ADAM12: variants seen among roughly 807,000 people sequenced by gnomAD.
The protein encoded by ADAM12 is ADAM metallopeptidase domain 12.
ADAM12 carries 70 observed loss-of-function variants against 106.4 expected under a neutral mutation model. The observed-to-expected ratio is 0.66, with a 90% confidence interval of 0.54 to 0.80. The LOEUF (loss-of-function observed/expected upper bound fraction) is 0.80. Among genes scored for constraint, ADAM12 ranks in the 30% least tolerant of loss-of-function variants. The pLI is 0.00. For synonymous variants in ADAM12, 420 were observed against 433.5 expected, an observed-to-expected ratio of 0.97 and a Z score of 0.39; for missense variants, 1,010 against 1,171.9, an observed-to-expected ratio of 0.86 and a Z score of 2.02.
chr10:126,177,072 T>C (rs1344573686), intron 3 of ADAM12, among the ~76,000 whole-genome samples: 3 of 150,852 alleles, frequency 2.0e-5, no homozygotes, highest in Non-Finnish European at 2.9e-5. Flanking sequence ...ACACACACGG[T>C]TTCCTGGTCA....
At chr10:126,090,636 C>A (rs1287651555) in intron 11 of ADAM12, 1 of 152,226 alleles carries the variant, frequency 6.6e-6, no homozygotes, top group Non-Finnish European at 1.5e-5. Flanking sequence ...CTTACACACA[C>A]TTAAAGCCTT....
At chr10:126,198,920 C>T (rs1168265894) in intron 3 of ADAM12, among the ~76,000 whole-genome samples, 2 of 152,080 alleles carry the variant, frequency 1.3e-5, no homozygotes, top group Non-Finnish European at 2.9e-5. Context: ...ATGACTTTTC[C>T]CAGTATATCA....
chr10:126,166,040 A>G lies in ADAM12; in HGVS notation c.261-10735T>C, dbSNP rs551815466. 4.2e-4 allele frequency among the ~76,000 whole-genome samples: 64 copies of G among 152,374 alleles called. 1 individual carries two copies. Among genetic ancestry groups the G allele is most frequent in the Middle Eastern group, 3.4e-3 (1 of 294 alleles). On this transcript the variant is annotated intron_variant, in intron 3 of 22. Transcript: ENST00000448723. ...CCAGCTCTTTCTCATTTAGTTTCAC[A>G]AACTATATTAAATAAAACTGCTGAT...
intron 3 of ADAM12, among the ~76,000 whole-genome samples, chr10:126,198,545 G>A (rs929700817): frequency 4.6e-5 from 7 of 152,174 alleles, no homozygotes; most frequent in Admixed American, 1.3e-4. Flanking sequence ...CCTTTAGCTC[G>A]TGTGAATCCT....
chr10:126,092,827 GA>G (rs779514441), intron 11 of ADAM12, among the ~76,000 whole-genome samples: 3 of 152,234 alleles, frequency 2.0e-5, no homozygotes, highest in Non-Finnish European at 4.4e-5. Flanking sequence ...ACAATCCCCT[GA>G]TGAGCTGTGT....
intron 3 of ADAM12, among the ~76,000 whole-genome samples, chr10:126,199,572 TG>T (rs1207391023): frequency 6.6e-6 from 1 of 152,216 alleles, no homozygotes; most frequent in Non-Finnish European, 1.5e-5. Context: ...TGACCCTGTC[TG>T]TGGGAAGCTG....
chr10:126,072,051 G>C (rs1955006365), intron 11 of ADAM12, among the ~76,000 whole-genome samples: 1 of 152,176 alleles, frequency 6.6e-6, no homozygotes, highest in African/African-American at 2.4e-5. Context: ...TTATTGGAAA[G>C]TGCAAAGAAG....
chr10:126,333,451 T>C (rs1854590963), intron 1 of ADAM12, among the ~76,000 whole-genome samples: 1 of 152,156 alleles, frequency 6.6e-6, no homozygotes, highest in Non-Finnish European at 1.5e-5. Context: ...AGACTTCCCT[T>C]GAGAAGCTGT....
intron 3 of ADAM12, among the ~76,000 whole-genome samples, chr10:126,207,438 T>C (rs1590620853): frequency 6.6e-6 from 1 of 151,842 alleles, no homozygotes; most frequent in African/African-American, 2.4e-5. Context: ...TCTGATATTT[T>C]ATGTGAAAGC....
intron 6 of ADAM12, among the ~76,000 whole-genome samples, chr10:126,113,938 G>A (rs1006540312): frequency 6.6e-6 from 1 of 151,602 alleles, no homozygotes; most frequent in Non-Finnish European, 1.5e-5. Context: ...CACAGCCAAA[G>A]TGTCCATCGC....
intron 3 of ADAM12, among the ~76,000 whole-genome samples, chr10:126,260,561 A>C (rs1035263671): frequency 1.7e-5 from 1 of 59,360 alleles, no homozygotes; most frequent in African/African-American, 4.0e-5. Context: ...CAGGTCCCTC[A>C]TTCTGAACAT....
intron 1 of ADAM12, among the ~76,000 whole-genome samples, chr10:126,339,422 C>A (rs1361115766): frequency 6.6e-6 from 1 of 152,212 alleles, no homozygotes; most frequent in African/African-American, 2.4e-5. Flanking sequence ...AGCCACGTGT[C>A]TGGATGACTG....
At chr10:126,140,898 G>C (rs1226360101) in intron 4 of ADAM12, among the ~76,000 whole-genome samples, 1 of 152,164 alleles carries the variant, frequency 6.6e-6, no homozygotes, top group East Asian at 1.9e-4. Flanking sequence ...GGGGTGGGGG[G>C]TGACCCTCTT....
At chr10:126,258,965 C>T (rs867956083) in intron 3 of ADAM12, among the ~76,000 whole-genome samples, 1 of 152,194 alleles carries the variant, frequency 6.6e-6, no homozygotes, top group Non-Finnish European at 1.5e-5. Flanking sequence ...TGTTCCCTAC[C>T]GTGTCCCCAG....
rs547715444 is a variant in ADAM12, at chr10:126,251,819, G to A, written c.260+27096C>T. Among the ~76,000 whole-genome samples, 13 of 151,574 alleles carry A rather than the reference G, an allele frequency of 8.6e-5. No homozygotes were observed. In the South Asian group the frequency reaches 2.5e-3, roughly 29 times the overall value. ...GATGGGATGGATACATGAATTGATG[G>A]GATGGATAGGATAGATGGATGAATG... On this transcript the variant is annotated intron_variant, in intron 3 of 22. Transcript: ENST00000448723.
chr10:126,058,672 C>A (rs185114304), intron 14 of ADAM12, among the ~76,000 whole-genome samples: 1 of 152,298 alleles, frequency 6.6e-6, no homozygotes, highest in South Asian at 2.1e-4. Flanking sequence ...ACTCTCTGCG[C>A]GCCCTGCCTG....
chr10:126,172,958 G>A (rs1957146194), intron 3 of ADAM12, among the ~76,000 whole-genome samples: 2 of 152,180 alleles, frequency 1.3e-5, no homozygotes, highest in South Asian at 4.1e-4. Flanking sequence ...TCCTTTGTGG[G>A]GACATGGATG....
intron 4 of ADAM12, among the ~76,000 whole-genome samples, chr10:126,144,577 TA>T (rs1565092765): frequency 2.0e-5 from 3 of 152,184 alleles, no homozygotes; most frequent in Admixed American, 6.5e-5. Flanking sequence ...CTCTAACTCC[TA>T]ACTGCAAATT....
At chr10:126,111,390 G>C (rs115139071) in intron 6 of ADAM12, among the ~76,000 whole-genome samples, 3,025 of 152,292 alleles carry the variant, frequency 0.02, 107 homozygotes, top group African/African-American at 0.069. Context: ...CCTTCTGAAA[G>C]TGTGAAGATC....
Sources: gnomAD v4.1 joint callset for allele counts (sites outside exome capture counted in the v4.1 genomes callset) on GRCh38, gnomAD v4.1.1 for gene constraint, MANE v1.5 for transcripts, NCBI Gene and HGNC (gene_info 2026-07-23, HGNC 2026-07-21) for gene names.